The following WASL variants were observed in gnomAD, a reference collection of about 807,000 sequenced individuals.
WASL encodes actin nucleation-promoting factor WASL.
Under a neutral mutation model 55.5 loss-of-function variants are expected in WASL, and 20 were observed. That is an observed-to-expected ratio of 0.36 (90% confidence interval 0.25 to 0.52). The LOEUF is 0.52. WASL is among the 20% of genes least tolerant of loss of function. WASL has a pLI of 0.92. For missense variants in WASL, 504 were observed against 622.5 expected (o/e 0.81, Z 2.03); for synonymous variants, 249 against 217.6 (o/e 1.14, Z -1.27).
chr7:123,694,040 T>G (rs1286688316), intron 8 of WASL, among the ~76,000 whole-genome samples: 1 of 152,230 alleles, frequency 6.6e-6, no homozygotes, highest in Non-Finnish European at 1.5e-5. Flanking sequence ...TTCAGAAGAA[T>G]GTTTTAACCG....
Position 123,689,054 on chromosome 7 carries a change from T to C in WASL, c.1444A>G (p.Ile482Val). 6.2e-7 allele frequency: 1 copy of C among 1,611,818 alleles called. No individual in the cohort carries two copies. The change falls in exon 10 of 11, where the codon ATT becomes GTT. Residue 482 changes from isoleucine (I) to valine (V), a missense_variant. Coordinates refer to ENST00000223023, the MANE Select transcript of WASL (RefSeq NM_003941.4). ...MEVMQKRSKA[I>V]HSSDEDEDED... ...TCTCTCTCTCTACCTGAAGAATGAA[T>C]GGCTTTGCTCCTTTTCTGCATCACT... is the stretch of plus-strand genomic sequence containing the variant.
At chr7:123,687,152 C>A (rs1803305943) in intron 10 of WASL, among the ~76,000 whole-genome samples, 1 of 152,108 alleles carries the variant, frequency 6.6e-6, no homozygotes, top group Admixed American at 6.5e-5. Flanking sequence ...CCTTCACTTT[C>A]AAACCATCAT....
intron 1 of WASL, among the ~76,000 whole-genome samples, chr7:123,745,333 TC>T (rs1481613683): frequency 2.0e-5 from 3 of 152,092 alleles, no homozygotes; most frequent in East Asian, 3.9e-4. Context: ...CCTCCACCTT[TC>T]CCCTGAAAAT....
At position 123,716,884 on chromosome 7, in the gene WASL, T is replaced by C. The variant is rs551799502; in HGVS notation, c.118-7661A>G. Among the ~76,000 whole-genome samples, 3 of 152,248 alleles carry C rather than the reference T, an allele frequency of 2.0e-5. No individual in the cohort carries two copies. In the East Asian group the frequency reaches 5.8e-4, roughly 30 times the overall value. On this transcript the variant is annotated intron_variant, in intron 1 of 10. Coordinates refer to ENST00000223023, the MANE Select transcript of WASL (RefSeq NM_003941.4). ...CATATAATACAATCCCCTCATTTTA[T>C]AGGTGAGCTCAATTTATTTGCCAGA...
rs1404929069 is a variant in WASL, at chr7:123,689,088, T to A, written c.1410A>T (p.Ala470=). The change falls in exon 10 of 11, where the codon GCA becomes GCT. Residue 470 remains alanine, a synonymous_variant. Coordinates refer to ENST00000223023, the MANE Select transcript of WASL (RefSeq NM_003941.4). ...TPAPTSGIVG[A]LMEVMQKRSK... Reference sequence around the variant, plus strand: ...TCCTTTTCTGCATCACTTCCATTAATGCACCCACAATTCCTGAAGTGGGTG... The same window carrying A: ...TCCTTTTCTGCATCACTTCCATTAAAGCACCCACAATTCCTGAAGTGGGTG... 6.2e-7 allele frequency: 1 copy of A among 1,611,610 alleles called. No homozygotes were observed. The highest frequency in any genetic ancestry group is 8.5e-7 in the Non-Finnish European group (1 of 1,178,786).
chr7:123,685,710 A>G (rs1022473817), intron 10 of WASL, among the ~76,000 whole-genome samples: 9 of 151,728 alleles, frequency 5.9e-5, no homozygotes, highest in African/African-American at 2.2e-4. Flanking sequence ...CCAGCCATTC[A>G]ATAAATATTT....
intron 1 of WASL, among the ~76,000 whole-genome samples, chr7:123,721,547 GAAC>G (rs954945597): frequency 6.6e-5 from 10 of 151,976 alleles, no homozygotes; most frequent in East Asian, 1.9e-4. Context: ...ACAAACAAAC[GAAC>G]AACAACAACA....
chr7:123,714,844 T>C (rs1484697302), intron 1 of WASL, among the ~76,000 whole-genome samples: 1 of 152,064 alleles, frequency 6.6e-6, no homozygotes, highest in East Asian at 1.9e-4. Context: ...TTCCCTGAGG[T>C]GACATCTTAC....
At chr7:123,706,439 C>A in intron 3 of WASL, 66 bp from the exon 4 acceptor site, 1 of 1,415,348 alleles carries the variant, frequency 7.1e-7, no homozygotes, top group Non-Finnish European at 9.8e-7. Context: ...ATCATAAAAA[C>A]AATGAGGAAA....
intron 9 of WASL, among the ~76,000 whole-genome samples, chr7:123,690,144 G>C (rs569524262): frequency 2.6e-5 from 4 of 152,152 alleles, no homozygotes; most frequent in Non-Finnish European, 5.9e-5. Flanking sequence ...GGCTCTCAAG[G>C]AGGTACAACA....
At chr7:123,704,497 A>T (rs1367081326) in intron 5 of WASL, 137 bp downstream of exon 5, 1 of 598,024 alleles carries the variant, frequency 1.7e-6, no homozygotes, top group Non-Finnish European at 2.8e-6. Context: ...AACATTACTT[A>T]CTAATGTATG....
At chr7:123,747,940 C>A (rs1214344128) in intron 1 of WASL, among the ~76,000 whole-genome samples, 6 of 151,980 alleles carry the variant, frequency 3.9e-5, no homozygotes, top group African/African-American at 1.2e-4. Context: ...TTTCCCTGCG[C>A]ATGGCTGCGG....
rs760745246 is a variant in WASL at position 123,692,466 on chromosome 7, A to G, written c.1228T>C (p.Leu410=). 1.9e-6 allele frequency: 3 copies of G among 1,614,102 alleles called. No individual in the cohort carries two copies. The Admixed American group carries it at 5.0e-5, about 27-fold the overall frequency. ...PTTAGNKAAL[L]DQIREGAQLK... ...TGAGCACCCTCTCTAATTTGATCTAAAAGAGCTGCTTTGTTTCCTGCAGTA... is the reference window on the plus strand; with the variant it reads ...TGAGCACCCTCTCTAATTTGATCTAGAAGAGCTGCTTTGTTTCCTGCAGTA... The change falls in exon 9 of 11, where the codon TTA becomes CTA. Residue 410 remains leucine (L), a synonymous_variant. Transcript: ENST00000223023.
chr7:123,748,515 G>T, intron 1 of WASL, 103 bp downstream of exon 1: 12 of 1,265,956 alleles, frequency 9.5e-6, no homozygotes, highest in Non-Finnish European at 1.3e-5. Context: ...GGGAGGCCTG[G>T]CCCGCGCCGC....
chr7:123,721,655 G>A (rs927148819), intron 1 of WASL, among the ~76,000 whole-genome samples: 7 of 152,146 alleles, frequency 4.6e-5, no homozygotes, highest in Non-Finnish European at 8.8e-5. Context: ...GCTGGGTGTG[G>A]TGGCTCACAT....
intron 10 of WASL, among the ~76,000 whole-genome samples, 176 bp from the exon 11 acceptor site, chr7:123,684,756 T>A (rs1337664865): frequency 6.6e-6 from 1 of 151,998 alleles, no homozygotes; most frequent in Non-Finnish European, 1.5e-5. Flanking sequence ...TAGAGTATGA[T>A]AGTAAACTAA....
At chr7:123,733,332 T>C (rs914632640) in intron 1 of WASL, among the ~76,000 whole-genome samples, 3 of 152,192 alleles carry the variant, frequency 2.0e-5, no homozygotes, top group African/African-American at 7.2e-5. Context: ...ACAAGGTTAA[T>C]ATGCAAAGTC....
intron 6 of WASL, among the ~76,000 whole-genome samples, chr7:123,696,231 T>C (rs1803489956): frequency 6.6e-6 from 1 of 152,098 alleles, no homozygotes; most frequent in Admixed American, 6.5e-5. Context: ...ACCAAAGGTT[T>C]TTACTGCCCC....
intron 9 of WASL, among the ~76,000 whole-genome samples, chr7:123,689,427 T>A (rs544791769): frequency 6.6e-6 from 1 of 152,342 alleles, no homozygotes; most frequent in South Asian, 2.1e-4. Flanking sequence ...TCCTGAATAA[T>A]ACTTGCTGGG....
Sources: gnomAD v4.1 joint callset for allele counts (sites outside exome capture counted in the v4.1 genomes callset) on GRCh38, gnomAD v4.1.1 for gene constraint, MANE v1.5 for transcripts, NCBI Gene and HGNC (gene_info 2026-07-23, HGNC 2026-07-21) for gene names.